The following VPS8 variants were observed in gnomAD, a reference collection of about 807,000 sequenced individuals.
The protein encoded by VPS8 is vacuolar protein sorting-associated protein 8 homolog.
Under a neutral mutation model 216.4 loss-of-function variants are expected in VPS8, and 129 were observed. The observed-to-expected ratio is 0.60, with a 90% confidence interval of 0.52 to 0.69. The LOEUF (loss-of-function observed/expected upper bound fraction) is 0.69. Ranked by LOEUF, VPS8 falls within the 30% of genes least tolerant of loss-of-function variation. The pLI is 0.00. For missense variants in VPS8, 1,531 were observed against 1,683.5 expected (o/e 0.91, Z 1.59); for synonymous variants, 571 against 565.4 (o/e 1.01, Z -0.14).
chr3:184,875,167 CTAT>C (rs908979190), intron 21 of VPS8, among the ~76,000 whole-genome samples: 3 of 147,580 alleles, frequency 2.0e-5, no homozygotes, highest in Non-Finnish European at 4.4e-5. Context: ...GTTGAAATTC[CTAT>C]TAAGACTGAT....
chr3:184,908,586 G>A (rs561760349), intron 25 of VPS8, among the ~76,000 whole-genome samples: 2 of 152,322 alleles, frequency 1.3e-5, no homozygotes, highest in South Asian at 4.1e-4. Flanking sequence ...TTAGCAGCTC[G>A]GTCGGCCTCT....
intron 45 of VPS8, among the ~76,000 whole-genome samples, chr3:185,013,938 A>G: frequency 6.6e-6 from 1 of 152,174 alleles, no homozygotes; most frequent in East Asian, 1.9e-4. Flanking sequence ...TTCCCAAACA[A>G]GTACATTCAT....
At chr3:184,982,951 T>C (rs956693476) in intron 41 of VPS8, 61 bp from the exon 42 acceptor site, 7 of 1,412,440 alleles carry the variant, frequency 5.0e-6, no homozygotes, top group East Asian at 2.5e-5. Context: ...CACAGACTTA[T>C]AGGAAAAACT....
At chr3:184,914,651 A>G (rs947880363) in intron 26 of VPS8, among the ~76,000 whole-genome samples, 3 of 152,350 alleles carry the variant, frequency 2.0e-5, no homozygotes, top group African/African-American at 7.2e-5. Context: ...ATTAGGCACC[A>G]TCTTTCTAGA....
chr3:184,908,194 T>C (rs1735831841), intron 25 of VPS8, among the ~76,000 whole-genome samples: 1 of 152,126 alleles, frequency 6.6e-6, no homozygotes, highest in Non-Finnish European at 1.5e-5. Flanking sequence ...AAATAAGCCC[T>C]GAAAATGGAG....
chr3:184,926,177 C>T (rs1457636340), intron 30 of VPS8, among the ~76,000 whole-genome samples: 1 of 151,248 alleles, frequency 6.6e-6, no homozygotes, highest in Non-Finnish European at 1.5e-5. Flanking sequence ...AGATCGAGAC[C>T]ATCCTGGCTA....
chr3:184,988,796 T>C (rs140450138), intron 42 of VPS8, among the ~76,000 whole-genome samples: 226 of 152,342 alleles, frequency 1.5e-3, no homozygotes, highest in African/African-American at 5.4e-3. Flanking sequence ...GAAATATTTC[T>C]CCATGTATTT....
intron 44 of VPS8, among the ~76,000 whole-genome samples, chr3:184,997,592 A>G (rs1309787648): frequency 6.6e-6 from 1 of 152,218 alleles, no homozygotes; most frequent in Non-Finnish European, 1.5e-5. Flanking sequence ...TACAGGATGA[A>G]CAAAACAAAG....
intron 21 of VPS8, among the ~76,000 whole-genome samples, chr3:184,873,149 G>C (rs1728656513): frequency 6.6e-6 from 1 of 152,134 alleles, no homozygotes. Context: ...ACCTAAGGCA[G>C]TAGGTGTCAT....
At chr3:185,039,609 A>G (rs941554466) in intron 46 of VPS8, among the ~76,000 whole-genome samples, 6 of 152,064 alleles carry the variant, frequency 3.9e-5, no homozygotes, top group African/African-American at 1.2e-4. Flanking sequence ...CTGTCTCCCT[A>G]TGCTGGCTTT....
At chr3:184,952,011 A>G (rs1397389609) in intron 36 of VPS8, among the ~76,000 whole-genome samples, 1 of 152,218 alleles carries the variant, frequency 6.6e-6, no homozygotes, top group Non-Finnish European at 1.5e-5. Context: ...TCTGGAAAGA[A>G]TTAAGTACTG....
At position 184,859,990 on chromosome 3, in the gene VPS8, G is replaced by A; in HGVS notation, c.1149G>A (p.Lys383=). The A allele has an allele frequency of 6.2e-7, 1 of 1,612,750 alleles. No individual in the cohort carries two copies. Among genetic ancestry groups the A allele is most frequent in the Non-Finnish European group, 8.5e-7 (1 of 1,179,178 alleles). The change falls in exon 15 of 48, where the codon AAG becomes AAA. Residue 383 remains lysine (K), a synonymous_variant. Transcript: ENST00000625842. Reference sequence around the variant, plus strand: ...TGTTTTTATTTCATCATCAGGTAAAGAGAGATGAATCTGGAGCAATACATG... The same window carrying A: ...TGTTTTTATTTCATCATCAGGTAAAAAGAGATGAATCTGGAGCAATACATG... ...RGDVVHFLLV[K]RDESGAIHVT...
chr3:184,820,094 T>G (rs1024849651), intron 1 of VPS8, among the ~76,000 whole-genome samples: 1 of 152,196 alleles, frequency 6.6e-6, no homozygotes, highest in Non-Finnish European at 1.5e-5. Flanking sequence ...ACCTGTGTTG[T>G]TCAAGGATCC....
At chr3:184,901,055 T>C (rs902667513) in intron 25 of VPS8, 83 bp downstream of exon 25, 5 of 1,176,090 alleles carry the variant, frequency 4.3e-6, no homozygotes, top group Non-Finnish European at 6.2e-6. Flanking sequence ...CAATTATATG[T>C]GTGCAGTGTG....
chr3:184,980,331 G>C (rs1749994482), intron 40 of VPS8, among the ~76,000 whole-genome samples: 1 of 151,938 alleles, frequency 6.6e-6, no homozygotes, highest in Non-Finnish European at 1.5e-5. Context: ...TTAAATGTCA[G>C]CTTCTCAAGG....
At chr3:184,990,402 G>GTTAC (rs932485455) in intron 42 of VPS8, among the ~76,000 whole-genome samples, 13 of 152,142 alleles carry the variant, frequency 8.5e-5, no homozygotes, top group African/African-American at 3.1e-4. Context: ...TGTTCACTAT[G>GTTAC]TTACCTACAA....
At chr3:185,027,352 C>T (rs537641052) in intron 46 of VPS8, among the ~76,000 whole-genome samples, 60 of 150,416 alleles carry the variant, frequency 4.0e-4, no homozygotes, top group African/African-American at 1.4e-3. Flanking sequence ...ACGCCATTCT[C>T]CTGCCTCAGC....
Position 184,915,435 on chromosome 3 carries a change from A to T in VPS8, c.2343A>T (p.Leu781=). The T allele has an allele frequency of 6.2e-7, 1 of 1,613,892 alleles. No individual in the cohort carries two copies. Among genetic ancestry groups the T allele is most frequent in the Non-Finnish European group, 8.5e-7 (1 of 1,179,818 alleles). The part of the protein sequence containing the change: ...EEIYPYIRTL[L]HFDTREFLNV... Reference sequence around the variant, plus strand: ...TCTATCCTTACATTCGGACTTTGCTACATTTTGACACAAGAGAATTTCTAA... The same window carrying T: ...TCTATCCTTACATTCGGACTTTGCTTCATTTTGACACAAGAGAATTTCTAA... The change falls in exon 28 of 48, where the codon CTA becomes CTT. Residue 781 remains leucine, a synonymous_variant. Transcript: ENST00000625842.
chr3:184,930,657 A>T (rs566009685), intron 34 of VPS8, 89 bp downstream of exon 34: 172 of 883,402 alleles, frequency 1.9e-4, no homozygotes, highest in Middle Eastern at 9.0e-4. Context: ...GGCATGTATC[A>T]TATTAAGTTG....
Sources: gnomAD v4.1 joint callset for allele counts (sites outside exome capture counted in the v4.1 genomes callset) on GRCh38, gnomAD v4.1.1 for gene constraint, MANE v1.5 for transcripts, NCBI Gene and HGNC (gene_info 2026-07-23, HGNC 2026-07-21) for gene names.